Variants in KDM4C observed in about 807,000 individuals in gnomAD.
KDM4C encodes lysine-specific demethylase 4C.
Under a neutral mutation model 129.3 loss-of-function variants are expected in KDM4C, and 81 were observed. The observed-to-expected ratio is 0.63, with a 90% CI of 0.52 to 0.75. KDM4C has a LOEUF of 0.75. Among genes scored for constraint, KDM4C ranks in the 30% least tolerant of loss-of-function variants. The probability of loss-of-function intolerance (pLI) is 0.00; values close to 1 mark genes in which losing one functional copy is unlikely to be tolerated. For synonymous variants in KDM4C, 573 were observed against 456.1 expected, an observed-to-expected ratio of 1.26 and a Z score of -3.26; for missense variants, 1,457 against 1,304.0, an observed-to-expected ratio of 1.12 and a Z score of -1.81.
At chr9:6,821,201 A>T (rs1190350566) in intron 4 of KDM4C, among the ~76,000 whole-genome samples, 8 of 152,250 alleles carry the variant, frequency 5.3e-5, no homozygotes, top group South Asian at 4.2e-4. Flanking sequence ...GTGTCTTTAT[A>T]GTAGCATGAT....
chr9:6,791,691 T>C (rs978761395), intron 1 of KDM4C, among the ~76,000 whole-genome samples: 1 of 152,186 alleles, frequency 6.6e-6, no homozygotes, highest in Non-Finnish European at 1.5e-5. Context: ...AACTGGTATA[T>C]AGAAGCAACA....
chr9:6,753,325 T>C (rs1818136164), upstream of KDM4C, among the ~76,000 whole-genome samples: 1 of 152,248 alleles, frequency 6.6e-6, no homozygotes, highest in South Asian at 2.1e-4. Flanking sequence ...CCTGAAATAA[T>C]GGACTTGTTC....
chr9:6,913,902 A>G (rs977162114), intron 8 of KDM4C, among the ~76,000 whole-genome samples: 2 of 152,244 alleles, frequency 1.3e-5, no homozygotes, highest in South Asian at 4.1e-4. Flanking sequence ...AAGGGATAGT[A>G]TGAGAGTTGA....
chr9:6,999,301 TATA>T (rs1346761339), intron 12 of KDM4C, among the ~76,000 whole-genome samples: 1 of 152,234 alleles, frequency 6.6e-6, no homozygotes, highest in Non-Finnish European at 1.5e-5. Flanking sequence ...GTTGACCAAA[TATA>T]ATGATGATGT....
Position 6,738,332 on chromosome 9 carries a change from A to C in KDM4C, c.49+17335A>C, listed in dbSNP as rs115871892. 9.5e-3 allele frequency among the ~76,000 whole-genome samples: 1,437 copies of C among 151,678 alleles called. 20 individuals carry two copies. The highest frequency in any genetic ancestry group is 0.033 in the African/African-American group (1,368 of 41,314). ...TCTCTACTAAAAATACAAAATTAGAAGGGCATGGTGGCACATGCTGTAATC... is the reference window on the plus strand; with the variant it reads ...TCTCTACTAAAAATACAAAATTAGACGGGCATGGTGGCACATGCTGTAATC... On this transcript the variant is annotated intron_variant, in intron 1 of 17. Coordinates refer to the KDM4C transcript ENST00000536108.
At chr9:6,871,644 TTGA>T (rs1842836504) in intron 5 of KDM4C, among the ~76,000 whole-genome samples, 1 of 152,224 alleles carries the variant, frequency 6.6e-6, no homozygotes, top group East Asian at 1.9e-4. Flanking sequence ...GGCATTTTAT[TTGA>T]TGGTTTTCAA....
At chr9:7,115,628 G>T (rs1838812731) in intron 18 of KDM4C, among the ~76,000 whole-genome samples, 1 of 152,144 alleles carries the variant, frequency 6.6e-6, no homozygotes, top group Non-Finnish European at 1.5e-5. Flanking sequence ...ATATTTTTAA[G>T]ACTATTAACT....
intron 17 of KDM4C, among the ~76,000 whole-genome samples, chr9:7,078,683 C>G (rs1020649991): frequency 2.0e-5 from 3 of 152,186 alleles, no homozygotes; most frequent in Admixed American, 6.5e-5. Context: ...TACCTTCATC[C>G]TTTTCTAGAG....
intron 18 of KDM4C, among the ~76,000 whole-genome samples, chr9:7,122,265 A>ACACACACACACTCTCTCT (rs375655422): frequency 2.1e-5 from 3 of 144,714 alleles, no homozygotes; most frequent in African/African-American, 7.8e-5. Context: ...ACACACACAC[A>ACACACACACACTCTCTCT]CTCTCTCTCT....
rs199950362 is a variant in KDM4C at position 7,121,487 on chromosome 9, C to A, written c.2611-6579C>A. Among the ~76,000 whole-genome samples, 4 of 152,186 alleles carry A rather than the reference C, an allele frequency of 2.6e-5. No individual in the cohort carries two copies. In the East Asian group the frequency reaches 7.7e-4, roughly 29 times the overall value. ...AGTGCAAGCTAAGCCACAGTCTAGG[C>A]CAGATTCAAAGGGTGGGAAATAAAC... On this transcript the variant is annotated intron_variant, in intron 18 of 21. Transcript: ENST00000381309.
rs1563926090 is a variant in KDM4C, at chr9:6,981,009, C to G, written c.1006C>G (p.Gln336Glu). The G allele has an allele frequency of 6.2e-7, 1 of 1,613,828 alleles. No homozygotes were observed. The highest frequency in any genetic ancestry group is 8.5e-7 in the Non-Finnish European group (1 of 1,179,838). The change falls in exon 9 of 22, where the codon CAA becomes GAA. Residue 336 changes from glutamine to glutamate, a missense_variant. Physicochemically the swap from Gln to Glu is conservative, Grantham distance 29. Coordinates refer to ENST00000381309, the MANE Select transcript of KDM4C (RefSeq NM_015061.6). Reference protein sequence around the residue: ...FQPDRYQLWKQGKDIYTIDHT... With the variant: ...FQPDRYQLWKEGKDIYTIDHT... ...GCCAGACAGATATCAGCTTTGGAAA[C>G]AAGGAAAGGATATATACACCATTGA...
At chr9:6,850,680 C>G (rs1172902352) in intron 5 of KDM4C, among the ~76,000 whole-genome samples, 1 of 152,108 alleles carries the variant, frequency 6.6e-6, no homozygotes, top group African/African-American at 2.4e-5. Context: ...AGTCTGCCCA[C>G]CTTGGCCTCT....
At chr9:7,018,325 C>T (rs1245834434) in intron 15 of KDM4C, among the ~76,000 whole-genome samples, 1 of 152,134 alleles carries the variant, frequency 6.6e-6, no homozygotes, top group Admixed American at 6.5e-5. Context: ...TGTGTGCAGT[C>T]CATCTTTGAC....
rs138329183 is a variant in KDM4C, at chr9:6,766,851, C to T, written c.-18+8648C>T. On this transcript the variant is annotated intron_variant, in intron 1 of 21. Transcript: ENST00000381309. Reference sequence around the variant, plus strand: ...ATCAGAACATTCTTCTCTGCCAGTACGTTTTCTCTTGTTGAATAAGGTTAA... The same window carrying T: ...ATCAGAACATTCTTCTCTGCCAGTATGTTTTCTCTTGTTGAATAAGGTTAA... 3.2e-4 allele frequency among the ~76,000 whole-genome samples: 48 copies of T among 151,966 alleles called. No homozygotes were observed. In the East Asian group the frequency reaches 7.9e-3, roughly 25 times the overall value.
Position 6,840,213 on chromosome 9 carries a change from C to T in KDM4C, c.436-9294C>T, listed in dbSNP as rs573909088. ...TCAGCCTCCTGAGTAGCTAGGGCTACAGGCGGGTGCCACCATGCCCAGCTA... is the reference window on the plus strand; with the variant it reads ...TCAGCCTCCTGAGTAGCTAGGGCTATAGGCGGGTGCCACCATGCCCAGCTA... On this transcript the variant is annotated intron_variant, in intron 4 of 21. Coordinates refer to ENST00000381309, the MANE Select transcript of KDM4C (RefSeq NM_015061.6). Among the ~76,000 whole-genome samples, 4 of 151,872 alleles carry T rather than the reference C, an allele frequency of 2.6e-5. No homozygotes were observed. The East Asian group carries it at 7.8e-4, about 30-fold the overall frequency.
chr9:7,019,714 A>ATAT (rs1563992884), intron 15 of KDM4C, among the ~76,000 whole-genome samples: 105 of 101,340 alleles, frequency 1.0e-3, no homozygotes, highest in Non-Finnish European at 1.7e-3. Context: ...TTTATATATA[A>ATAT]AAATATAATA....
At chr9:6,811,855 T>G (rs117438377) in intron 3 of KDM4C, among the ~76,000 whole-genome samples, 10,009 of 152,186 alleles carry the variant, frequency 0.066, 453 homozygotes, top group Non-Finnish European at 0.095. Flanking sequence ...AGTGAGAGGT[T>G]CTGGGTAAGA....
rs79836585 is a variant in KDM4C, at chr9:6,926,413, C to T, written c.921+33181C>T. On this transcript the variant is annotated intron_variant, in intron 8 of 21. Transcript: ENST00000381309. ...TGAGGTGAAAAGTGGAATCTTTGTT[C>T]TGTGAGAGCTGGTTTTCATTTTTTT... Among the ~76,000 whole-genome samples, 158 of 145,396 alleles carry T rather than the reference C, an allele frequency of 1.1e-3. 4 individuals carry two copies. In the East Asian group the frequency reaches 0.029, roughly 27 times the overall value.
intron 8 of KDM4C, among the ~76,000 whole-genome samples, chr9:6,949,955 G>T (rs1255997960): frequency 6.6e-6 from 1 of 151,842 alleles, no homozygotes; most frequent in African/African-American, 2.4e-5. Context: ...TTGATTTAAG[G>T]CTCAAGTATA....
Sources: allele counts gnomAD v4.1 joint callset (sites outside exome capture counted in the v4.1 genomes callset), GRCh38; gene constraint gnomAD v4.1.1; transcripts MANE v1.5; gene names NCBI Gene and HGNC (gene_info 2026-07-23, HGNC 2026-07-21).